Variants in GALNTL6 observed in about 807,000 individuals in gnomAD.
The protein encoded by GALNTL6 is polypeptide N-acetylgalactosaminyltransferase-like 6.
In GALNTL6, 46 loss-of-function variants were observed where a neutral mutation model predicts 73.7. The observed-to-expected ratio is 0.62, with a 90% confidence interval of 0.49 to 0.80. The LOEUF is 0.80. Among genes scored for constraint, GALNTL6 ranks in the 30% least tolerant of loss-of-function variants. The pLI, the probability that GALNTL6 is intolerant of heterozygous loss-of-function variation, is 0.00. For missense variants in GALNTL6, 604 were observed against 755.0 expected (o/e 0.80, Z 2.34); for synonymous variants, 259 against 263.7 (o/e 0.98, Z 0.17).
At chr4:172,165,447 A>G (rs868745941) in intron 2 of GALNTL6, among the ~76,000 whole-genome samples, 4 of 152,148 alleles carry the variant, frequency 2.6e-5, no homozygotes, top group African/African-American at 9.7e-5. Flanking sequence ...AGCTGTTCTC[A>G]AAAGACTTAT....
At chr4:172,829,836 A>G (rs1160500634) in intron 7 of GALNTL6, among the ~76,000 whole-genome samples, 6 of 152,248 alleles carry the variant, frequency 3.9e-5, no homozygotes, top group African/African-American at 1.4e-4. Flanking sequence ...GTTTTATTTG[A>G]GAAATTCCCT....
chr4:172,218,501 G>T (rs1207328321), intron 2 of GALNTL6, among the ~76,000 whole-genome samples: 1 of 152,004 alleles, frequency 6.6e-6, no homozygotes, highest in Non-Finnish European at 1.5e-5. Flanking sequence ...TCATTTAAGT[G>T]TTTTTACCTG....
intron 2 of GALNTL6, among the ~76,000 whole-genome samples, chr4:172,191,163 T>G (rs941489546): frequency 3.9e-5 from 6 of 152,216 alleles, no homozygotes; most frequent in African/African-American, 1.4e-4. Context: ...CTTTCAGCTT[T>G]GTTTACCTAT....
At chr4:172,728,339 T>C (rs1735948191) in intron 5 of GALNTL6, among the ~76,000 whole-genome samples, 1 of 152,208 alleles carries the variant, frequency 6.6e-6, no homozygotes, top group African/African-American at 2.4e-5. Flanking sequence ...GATCCACTTT[T>C]TTTAGTTCTC....
chr4:172,183,968 T>A (rs1441896304), intron 2 of GALNTL6, among the ~76,000 whole-genome samples: 1 of 152,016 alleles, frequency 6.6e-6, no homozygotes, highest in Non-Finnish European at 1.5e-5. Context: ...AATTTTTGTA[T>A]TTTTAGTAGA....
At chr4:172,921,821 A>G (rs998987269) in intron 8 of GALNTL6, among the ~76,000 whole-genome samples, 2 of 152,080 alleles carry the variant, frequency 1.3e-5, no homozygotes, top group Non-Finnish European at 2.9e-5. Context: ...GCAAAGAAAA[A>G]ATGCATGTAT....
chr4:172,429,619 C>T (rs1277963421), intron 5 of GALNTL6, among the ~76,000 whole-genome samples: 1 of 152,168 alleles, frequency 6.6e-6, no homozygotes, highest in Non-Finnish European at 1.5e-5. Flanking sequence ...ATCTTTCTAT[C>T]AGAATCACTT....
At chr4:172,011,646 A>G (rs1304396964) in intron 2 of GALNTL6, among the ~76,000 whole-genome samples, 2 of 151,984 alleles carry the variant, frequency 1.3e-5, no homozygotes, top group Non-Finnish European at 2.9e-5. Flanking sequence ...ACTTTCCTAT[A>G]TTATTTTTCC....
chr4:172,150,563 A>T (rs1484241515), intron 2 of GALNTL6, among the ~76,000 whole-genome samples: 1 of 152,200 alleles, frequency 6.6e-6, no homozygotes, highest in Non-Finnish European at 1.5e-5. Flanking sequence ...GAGTGCAGCA[A>T]TGATGTTGCA....
At chr4:172,120,492 T>C (rs1232379844) in intron 2 of GALNTL6, among the ~76,000 whole-genome samples, 1 of 152,106 alleles carries the variant, frequency 6.6e-6, no homozygotes, top group East Asian at 1.9e-4. Flanking sequence ...TAAGGACCCT[T>C]GGATAATTCA....
At position 172,726,483 on chromosome 4, in the gene GALNTL6, A is replaced by G. The variant is rs571432674; in HGVS notation, c.554-82878A>G. On this transcript the variant is annotated intron_variant, in intron 5 of 12. Transcript: ENST00000506823. ...GAGCTTGGCTGCCTTCAGCCAAGCA[A>G]TCTGAAGCTATGCAAACTCTCAGAT... Among the ~76,000 whole-genome samples, 11 of 152,320 alleles carry G rather than the reference A, an allele frequency of 7.2e-5. No homozygotes were observed. In the East Asian group the frequency reaches 1.4e-3, roughly 19 times the overall value.
chr4:172,174,343 G>A (rs1734925656), intron 2 of GALNTL6, among the ~76,000 whole-genome samples: 1 of 152,036 alleles, frequency 6.6e-6, no homozygotes, highest in South Asian at 2.1e-4. Context: ...TACTGAAATG[G>A]GCCTGCCTTA....
chr4:172,388,294 A>C (rs1743543649), intron 5 of GALNTL6, among the ~76,000 whole-genome samples: 1 of 152,144 alleles, frequency 6.6e-6, no homozygotes, highest in Non-Finnish European at 1.5e-5. Flanking sequence ...TCGTTTTAGA[A>C]ATACCATACA....
At chr4:172,537,438 G>T (rs778198839) in intron 5 of GALNTL6, among the ~76,000 whole-genome samples, 16 of 152,176 alleles carry the variant, frequency 1.1e-4, no homozygotes, top group Non-Finnish European at 4.4e-5. Flanking sequence ...AAGCTTTGGT[G>T]TGCACTTCTC....
At chr4:172,212,300 C>T (rs1476541798) in intron 2 of GALNTL6, among the ~76,000 whole-genome samples, 34 of 151,326 alleles carry the variant, frequency 2.2e-4, no homozygotes, top group Admixed American at 2.2e-3. Context: ...TAACTGGGAT[C>T]ACAGGCACAT....
intron 2 of GALNTL6, among the ~76,000 whole-genome samples, chr4:172,185,844 T>C (rs1735398836): frequency 6.6e-6 from 1 of 152,190 alleles, no homozygotes; most frequent in Non-Finnish European, 1.5e-5. Flanking sequence ...TAAAGTAATA[T>C]AGCATTGTAA....
intron 5 of GALNTL6, among the ~76,000 whole-genome samples, chr4:172,376,788 C>G (rs996207366): frequency 6.6e-6 from 1 of 152,154 alleles, no homozygotes; most frequent in Non-Finnish European, 1.5e-5. Flanking sequence ...TTGGTGTGTT[C>G]TTGGTCTCAC....
At chr4:172,039,877 A>G (rs1369509222) in intron 2 of GALNTL6, among the ~76,000 whole-genome samples, 1 of 152,152 alleles carries the variant, frequency 6.6e-6, no homozygotes, top group Non-Finnish European at 1.5e-5. Context: ...GTGTAATTTC[A>G]TTAAGATGAA....
intron 5 of GALNTL6, among the ~76,000 whole-genome samples, chr4:172,515,112 A>G (rs1221384073): frequency 6.6e-6 from 1 of 152,250 alleles, no homozygotes; most frequent in Non-Finnish European, 1.5e-5. Context: ...TTAAGCAGCT[A>G]TGAGATGTAG....
Sources: gnomAD v4.1 joint callset for allele counts (sites outside exome capture counted in the v4.1 genomes callset) on GRCh38, gnomAD v4.1.1 for gene constraint, MANE v1.5 for transcripts, NCBI Gene and HGNC (gene_info 2026-07-23, HGNC 2026-07-21) for gene names.